Variants in CSMD1 observed in about 807,000 individuals in gnomAD.
The protein encoded by CSMD1 is CUB and Sushi multiple domains 1.
A neutral mutation model predicts 417.5 loss-of-function variants in CSMD1; 213 were observed. That is an observed-to-expected ratio of 0.51 (90% confidence interval 0.46 to 0.57). The LOEUF (loss-of-function observed/expected upper bound fraction) is 0.57. CSMD1 is among the 20% of genes least tolerant of loss of function. The pLI is 0.00. For synonymous variants in CSMD1, 2,862 were observed against 1,736.8 expected, an observed-to-expected ratio of 1.65 and a Z score of -16.11; for missense variants, 6,923 against 4,529.7, an observed-to-expected ratio of 1.53 and a Z score of -15.17.
chr8:4,578,212 G>A (rs996216022), intron 2 of CSMD1, among the ~76,000 whole-genome samples: 4 of 151,990 alleles, frequency 2.6e-5, no homozygotes, highest in African/African-American at 9.7e-5. Flanking sequence ...CCACGCTGGA[G>A]TGCAGTGGCG....
rs529322425 is a variant in CSMD1 at position 4,170,295 on chromosome 8, A to C, written c.416-138196T>G. On this transcript the variant is annotated intron_variant, in intron 3 of 69. Coordinates refer to ENST00000635120, the MANE Select transcript of CSMD1 (RefSeq NM_033225.6). ...TTGGGTAGAGTCTATGAATTTAAGC[A>C]TTTGCGTCTCAATGATATAAAAAGT... 5.3e-5 allele frequency among the ~76,000 whole-genome samples: 8 copies of C among 151,942 alleles called. 1 individual carries two copies. Among genetic ancestry groups the C allele is most frequent in the African/African-American group, 1.5e-4 (6 of 41,244 alleles).
intron 5 of CSMD1, among the ~76,000 whole-genome samples, chr8:3,895,563 T>C (rs1363507934): frequency 1.3e-5 from 2 of 152,156 alleles, no homozygotes; most frequent in African/African-American, 4.8e-5. Context: ...GCACATGAAA[T>C]AAGCATATAT....
chr8:4,256,468 C>G lies in CSMD1; in HGVS notation c.415+163485G>C, dbSNP rs575565506. The stretch of plus-strand genomic sequence containing the variant: ...GAGGTGATATAGAGACATGAATTAA[C>G]CGAGTACTGGTAAAGGGAGGTTCTC... On this transcript the variant is annotated intron_variant, in intron 3 of 69. Transcript: ENST00000635120. Among the ~76,000 whole-genome samples the G allele has an allele frequency of 5.8e-4, 89 of 152,252 alleles. 1 individual carries two copies. In the South Asian group the frequency reaches 0.017, roughly 29 times the overall value.
chr8:3,827,007 C>G (rs998206320), intron 5 of CSMD1, among the ~76,000 whole-genome samples: 15 of 152,066 alleles, frequency 9.9e-5, no homozygotes, highest in African/African-American at 3.6e-4. Context: ...GTCTTGAACT[C>G]CTGATATGAA....
chr8:4,418,248 C>G (rs1248592902), intron 3 of CSMD1, among the ~76,000 whole-genome samples: 2 of 152,046 alleles, frequency 1.3e-5, no homozygotes, highest in African/African-American at 2.4e-5. Flanking sequence ...AAAAATAAAT[C>G]CAAGTTACTC....
Position 3,212,160 on chromosome 8 carries a change from T to G in CSMD1, c.4867+2337A>C, listed in dbSNP as rs1013255658. Among the ~76,000 whole-genome samples, 7 of 152,314 alleles carry G rather than the reference T, an allele frequency of 4.6e-5. 1 individual carries two copies. The highest frequency in any genetic ancestry group is 4.6e-4 in the Admixed American group (7 of 15,300). ...CTGCCTCCCTCACCCATGAGCACGC[T>G]GAGTTCTATTTGAAGCTCCCATATG... On this transcript the variant is annotated intron_variant, in intron 30 of 69. Transcript: ENST00000635120.
At chr8:3,931,544 C>G (rs969184419) in intron 5 of CSMD1, among the ~76,000 whole-genome samples, 3 of 150,062 alleles carry the variant, frequency 2.0e-5, no homozygotes, top group Non-Finnish European at 4.4e-5. Flanking sequence ...ATTTGTTTAA[C>G]AAACTTCTTG....
intron 33 of CSMD1, among the ~76,000 whole-genome samples, chr8:3,196,047 G>C (rs1285635110): frequency 1.3e-5 from 2 of 152,110 alleles, no homozygotes; most frequent in Non-Finnish European, 2.9e-5. Flanking sequence ...AGATCACAAA[G>C]ACCTTCCTGA....
chr8:3,577,379 C>G (rs1165832046), intron 9 of CSMD1, among the ~76,000 whole-genome samples: 1 of 152,126 alleles, frequency 6.6e-6, no homozygotes, highest in African/African-American at 2.4e-5. Flanking sequence ...CATTCTTTAC[C>G]AAAAGCTTTC....
At chr8:3,301,397 C>T (rs887895946) in intron 25 of CSMD1, among the ~76,000 whole-genome samples, 1 of 151,882 alleles carries the variant, frequency 6.6e-6, no homozygotes, top group Non-Finnish European at 1.5e-5. Context: ...GTGAAACTTG[C>T]CCTGGAGGTC....
intron 29 of CSMD1, among the ~76,000 whole-genome samples, chr8:3,218,697 C>G (rs1798026449): frequency 6.6e-6 from 1 of 151,758 alleles, no homozygotes; most frequent in African/African-American, 2.4e-5. Flanking sequence ...TATGATGAAA[C>G]CCAGTCTCTA....
At position 3,935,162 on chromosome 8, in the gene CSMD1, T is replaced by A. The variant is rs756192798; in HGVS notation, c.818+62741A>T. Among the ~76,000 whole-genome samples, 9 of 152,286 alleles carry A rather than the reference T, an allele frequency of 5.9e-5. No homozygotes were observed. The East Asian group carries it at 1.7e-3, about 29-fold the overall frequency. On this transcript the variant is annotated intron_variant, in intron 5 of 69. Transcript: ENST00000635120. ...GTAAGATTTTTAAGAAGCAAGAATA[T>A]GGCCACGACTCGTCTCCAAGAAAGT... is the stretch of plus-strand genomic sequence containing the variant.
intron 1 of CSMD1, among the ~76,000 whole-genome samples, chr8:4,757,196 T>C (rs1446388369): frequency 2.0e-5 from 3 of 152,208 alleles, no homozygotes; most frequent in African/African-American, 4.8e-5. Context: ...TTATCAATAT[T>C]AGTTTAGCTG....
chr8:3,190,003 C>T lies in CSMD1; in HGVS notation c.5307G>A (p.Pro1769=), dbSNP rs1316699770. 4 of 1,598,710 alleles carry T rather than the reference C, an allele frequency of 2.5e-6. No homozygotes were observed. The South Asian group carries it at 3.4e-5, about 14-fold the overall frequency. Residue 1769 remains proline (P), a synonymous_variant, in exon 34 of 70, where the codon CCG becomes CCA. Transcript: ENST00000635120. ...CCGTGGAACCCTGAAGCAGGTATCC[C>T]GGGTTGCACTCGAATCGGACGATGG... ...AGSIVRFECN[P]GYLLQGSTAL... is the part of the protein sequence containing the mutation.
chr8:3,380,670 A>G lies in CSMD1; in HGVS notation c.2782+6824T>C, dbSNP rs568436097. 2.6e-5 allele frequency among the ~76,000 whole-genome samples: 4 copies of G among 152,288 alleles called. No individual in the cohort carries two copies. In the East Asian group the frequency reaches 7.7e-4, roughly 29 times the overall value. Reference sequence around the variant, plus strand: ...AACCAAACACCACATGTTCTCACTCATAAGAGGGAGCTGAACAATGAGAAC... The same window carrying G: ...AACCAAACACCACATGTTCTCACTCGTAAGAGGGAGCTGAACAATGAGAAC... On this transcript the variant is annotated intron_variant, in intron 18 of 69. Coordinates refer to ENST00000635120, the MANE Select transcript of CSMD1 (RefSeq NM_033225.6).
chr8:3,820,879 G>T (rs1248910280), intron 5 of CSMD1, among the ~76,000 whole-genome samples: 1 of 151,812 alleles, frequency 6.6e-6, no homozygotes, highest in Non-Finnish European at 1.5e-5. Context: ...TGCCTTCTTC[G>T]GAATACCTCC....
intron 1 of CSMD1, among the ~76,000 whole-genome samples, chr8:4,847,167 C>T (rs1801192640): frequency 6.6e-6 from 1 of 152,130 alleles, no homozygotes; most frequent in Non-Finnish European, 1.5e-5. Context: ...TCTCGTAAGT[C>T]ACTCTCTTTT....
At chr8:4,644,384 T>A (rs915240234) in intron 1 of CSMD1, among the ~76,000 whole-genome samples, 1 of 148,332 alleles carries the variant, frequency 6.7e-6, no homozygotes, top group Non-Finnish European at 1.5e-5. Flanking sequence ...ATCAGCAACA[T>A]TCTTCCAACA....
chr8:4,124,150 A>C (rs6994412), intron 3 of CSMD1, among the ~76,000 whole-genome samples: 7,295 of 152,164 alleles, frequency 0.048, 589 homozygotes, highest in African/African-American at 0.17. Flanking sequence ...TGTTGTCCTA[A>C]AACAGTCTGC....
Sources: allele counts gnomAD v4.1 joint callset (sites outside exome capture counted in the v4.1 genomes callset), GRCh38; gene constraint gnomAD v4.1.1; transcripts MANE v1.5; gene names NCBI Gene and HGNC (gene_info 2026-07-23, HGNC 2026-07-21).